Variants in TRIM55 observed in about 807,000 individuals in gnomAD.
TRIM55 encodes the protein tripartite motif-containing protein 55.
A neutral mutation model predicts 60.9 loss-of-function variants in TRIM55; 50 were observed. That is an observed-to-expected ratio of 0.82 (90% CI 0.65 to 1.04). The LOEUF is 1.04. Ranked by LOEUF, TRIM55 falls within the 50% of genes least tolerant of loss-of-function variation. The probability of loss-of-function intolerance (pLI) is 0.00; values close to 1 mark genes in which losing one functional copy is unlikely to be tolerated. For missense variants in TRIM55, 681 were observed against 666.9 expected, an observed-to-expected ratio of 1.02 and a Z score of -0.23; for synonymous variants, 237 against 238.1, an observed-to-expected ratio of 1.00 and a Z score of 0.04.
chr8:66,147,760 A>C (rs946234085), intron 4 of TRIM55, among the ~76,000 whole-genome samples: 10 of 142,566 alleles, frequency 7.0e-5, no homozygotes, highest in Non-Finnish European at 1.3e-4. Context: ...GCGCCATTGC[A>C]CTCCAGCGTG....
upstream of TRIM55, among the ~76,000 whole-genome samples, chr8:66,123,658 C>T (rs931234071): frequency 6.6e-5 from 10 of 152,128 alleles, no homozygotes; most frequent in Non-Finnish European, 1.5e-4. Flanking sequence ...GAGTTCAAGA[C>T]CAGCCTGGGC....
chr8:66,125,216 A>G (rs1469931405), upstream of TRIM55, among the ~76,000 whole-genome samples: 1 of 152,232 alleles, frequency 6.6e-6, no homozygotes, highest in African/African-American at 2.4e-5. Flanking sequence ...CCTTGACAAA[A>G]CAAACTTTCT....
intron 2 of TRIM55, among the ~76,000 whole-genome samples, chr8:66,133,222 G>A (rs1477690310): frequency 6.6e-6 from 1 of 152,108 alleles, no homozygotes; most frequent in Non-Finnish European, 1.5e-5. Context: ...GTGATCCCAG[G>A]CTTTCCCCAT....
At position 66,152,778 on chromosome 8, in the gene TRIM55, A is replaced by G. The variant is rs189166741; in HGVS notation, c.1236+151A>G. On this transcript the variant is annotated intron_variant, in intron 8 of 9. Coordinates refer to ENST00000315962, the MANE Select transcript of TRIM55 (RefSeq NM_184085.2). ...GACGAAAGATTTCAGGACAGTCCTCATGTCGGGGAGAAAAGTCCTCTAGGT... is the reference window on the plus strand; with the variant it reads ...GACGAAAGATTTCAGGACAGTCCTCGTGTCGGGGAGAAAAGTCCTCTAGGT... 9.9e-4 allele frequency: 1,113 copies of G among 1,122,356 alleles called. 4 individuals are homozygous for G. The highest frequency in any genetic ancestry group is 4.1e-4 in the Non-Finnish European group (338 of 821,236). 69.5% of individuals were successfully genotyped at this position (1,122,356 alleles called of 1,614,324 possible). A position where few individuals can be genotyped will look rare whatever the true frequency, so the allele number is the denominator to read the frequency against.
intron 1 of TRIM55, among the ~76,000 whole-genome samples, chr8:66,127,704 G>A (rs2357669): frequency 2.6e-4 from 40 of 151,998 alleles, no homozygotes; most frequent in Admixed American, 2.4e-3. Flanking sequence ...GCATGGTGGC[G>A]GGCACCTATA....
rs1324695770 is a variant in TRIM55, at chr8:66,135,120, G to C, written c.472G>C (p.Val158Leu). 6.2e-7 allele frequency: 1 copy of C among 1,614,052 alleles called. No individual in the cohort carries two copies. The highest frequency in any genetic ancestry group is 8.5e-7 in the Non-Finnish European group (1 of 1,180,030). Reference protein sequence around the residue: ...KVFGAHKDCQVAPLTHVFQRQ... With the variant: ...KVFGAHKDCQLAPLTHVFQRQ... ...GTTTGGTGCACACAAAGACTGCCAGGTGGCTCCCCTCACTCATGTGTTCCA... is the reference window on the plus strand; with the variant it reads ...GTTTGGTGCACACAAAGACTGCCAGCTGGCTCCCCTCACTCATGTGTTCCA... The change falls in exon 3 of 10, where the codon GTG becomes CTG. Residue 158 changes from valine (V) to leucine (L), a missense_variant. Val to Leu is a conservative substitution (Grantham distance 32). Coordinates refer to ENST00000315962, the MANE Select transcript of TRIM55 (RefSeq NM_184085.2).
At chr8:66,149,590 C>G (rs1362410414) in intron 4 of TRIM55, 55 bp from the exon 5 acceptor site, 8 of 1,391,286 alleles carry the variant, frequency 5.8e-6, no homozygotes, top group Non-Finnish European at 3.0e-6. Context: ...TAGGTGATTT[C>G]TCCAAATCGA....
At chr8:66,152,060 A>T (rs1006087718) in intron 7 of TRIM55, among the ~76,000 whole-genome samples, 1 of 152,098 alleles carries the variant, frequency 6.6e-6, no homozygotes, top group Non-Finnish European at 1.5e-5. Context: ...GGCCTCCAGG[A>T]GCTTGCAGAT....
In TRIM55 at chr8:66,135,018, T is replaced by G. The variant is rs1274805561; in HGVS notation, c.370T>G (p.Cys124Gly). The G allele has an allele frequency of 1.2e-6, 2 of 1,614,210 alleles. No homozygotes were observed. The highest frequency in any genetic ancestry group is 1.7e-6 in the Non-Finnish European group (2 of 1,180,034). ...AGAAAAGAAATCCGACCAGCCCATG[T>G]GCGAGGAACATGAAGAGGAGCGCAT... is the stretch of plus-strand genomic sequence containing the variant. ...RPEKKSDQPM[C>G]EEHEEERINI... is the part of the protein sequence containing the mutation. Residue 124 changes from cysteine to glycine, a missense_variant, in exon 3 of 10, where the codon TGC becomes GGC. By Grantham distance (159) the Cys-to-Gly change is radical. Transcript: ENST00000315962.
chr8:66,154,046 G>T lies in TRIM55; in HGVS notation c.1237-1G>T. On this transcript the variant is annotated splice_acceptor_variant, in intron 8 of 9. Coordinates refer to ENST00000315962, the MANE Select transcript of TRIM55 (RefSeq NM_184085.2). LOFTEE classifies it high-confidence loss of function. ...TTTTGAATTTATCTGTCCTGATTAA[G>T]GGGGAGGTTGTACCCACTGGCTCTG... 6.2e-7 allele frequency: 1 copy of T among 1,610,034 alleles called. No homozygotes were observed. Among genetic ancestry groups the T allele is most frequent in the Non-Finnish European group, 8.5e-7 (1 of 1,177,682 alleles).
At chr8:66,134,134 A>G (rs889451502) in intron 2 of TRIM55, among the ~76,000 whole-genome samples, 1 of 152,240 alleles carries the variant, frequency 6.6e-6, no homozygotes, top group South Asian at 2.1e-4. Context: ...AAAAACCTGT[A>G]GTTTTTAAAA....
intron 9 of TRIM55, among the ~76,000 whole-genome samples, chr8:66,167,385 A>C (rs1811385091): frequency 6.6e-6 from 1 of 152,202 alleles, no homozygotes; most frequent in Admixed American, 6.5e-5. Flanking sequence ...GAAGAGCAAG[A>C]ATACATACAC....
intron 4 of TRIM55, 101 bp from the exon 5 acceptor site, chr8:66,149,544 C>A (rs371059830): frequency 1.1e-6 from 1 of 922,944 alleles, no homozygotes; most frequent in Non-Finnish European, 1.7e-6. Flanking sequence ...AAAAAAATAT[C>A]CTACATAAGT....
At chr8:66,157,737 T>A (rs1810823737) in intron 9 of TRIM55, among the ~76,000 whole-genome samples, 1 of 152,208 alleles carries the variant, frequency 6.6e-6, no homozygotes, top group African/African-American at 2.4e-5. Context: ...CCTGGTGCTT[T>A]CCTTACATCC....
chr8:66,172,244 G>T (rs1811683112), intron 9 of TRIM55, among the ~76,000 whole-genome samples: 1 of 152,160 alleles, frequency 6.6e-6, no homozygotes, highest in South Asian at 2.1e-4. Context: ...TAACTAACTT[G>T]TCCAAGTCAT....
At chr8:66,150,193 A>C (rs1347179618) in intron 5 of TRIM55, 24 bp from the exon 6 acceptor site, 13 of 1,610,392 alleles carry the variant, frequency 8.1e-6, no homozygotes, top group Non-Finnish European at 1.0e-5. Context: ...TTTAAGTAAG[A>C]CTATCTTTTG....
chr8:66,155,893 CT>C (rs1810710954), intron 9 of TRIM55, among the ~76,000 whole-genome samples: 1 of 152,210 alleles, frequency 6.6e-6, no homozygotes, highest in South Asian at 2.1e-4. Flanking sequence ...CTCAAGACCT[CT>C]TTCTGAGGAG....
chr8:66,113,597 G>A, the TRIM55 span: 5 of 456,120 alleles, frequency 1.1e-5, no homozygotes, highest in African/African-American at 1.0e-4. Flanking sequence ...AGCCTGCACG[G>A]TAATTCTTTT....
rs532015412 is a variant in TRIM55 at position 66,154,431 on chromosome 8, A to G, written c.1524+97A>G. ...GAAGAAAAAGGGTTTTCAAAGGGGC[A>G]GAGAGAAACCTCAGCCAGGGGAAAA... On this transcript the variant is annotated intron_variant, in intron 9 of 9. Coordinates refer to ENST00000315962, the MANE Select transcript of TRIM55 (RefSeq NM_184085.2). 510 of 1,314,452 alleles carry G rather than the reference A, an allele frequency of 3.9e-4. 4 individuals are homozygous for G. In the South Asian group the frequency reaches 7.0e-3, roughly 18 times the overall value. The allele number at this position is 1,314,452 out of a possible 1,614,324, so 81.4% of individuals were successfully genotyped here.
Sources: allele counts gnomAD v4.1 joint callset (sites outside exome capture counted in the v4.1 genomes callset), GRCh38; gene constraint gnomAD v4.1.1; transcripts MANE v1.5; gene names NCBI Gene and HGNC (gene_info 2026-07-23, HGNC 2026-07-21).